The following SENP7 variants were observed in gnomAD, a reference collection of about 807,000 sequenced individuals.
The protein encoded by SENP7 is sentrin-specific protease 7.
SENP7 carries 64 observed loss-of-function variants against 141.2 expected under a neutral mutation model. The ratio of observed to expected loss-of-function variants is 0.45; its 90% CI spans 0.37 to 0.56. SENP7 has a LOEUF of 0.56. Ranked by LOEUF, SENP7 falls within the 20% of genes least tolerant of loss-of-function variation. The pLI is 0.00. For missense variants in SENP7, 1,025 were observed against 1,212.2 expected, an observed-to-expected ratio of 0.85 and a Z score of 2.29; for synonymous variants, 382 against 426.4, an observed-to-expected ratio of 0.90 and a Z score of 1.28.
chr3:101,327,171 T>C (rs1416716425), intron 23 of SENP7, among the ~76,000 whole-genome samples: 2 of 152,098 alleles, frequency 1.3e-5, no homozygotes, highest in Non-Finnish European at 2.9e-5. Context: ...TATTTCTTTC[T>C]CTTTAAAAAA....
chr3:101,391,606 A>G (rs2060818483), intron 6 of SENP7, among the ~76,000 whole-genome samples: 1 of 152,186 alleles, frequency 6.6e-6, no homozygotes, highest in South Asian at 2.1e-4. Context: ...AAGGTCTATC[A>G]ACAAAGAAAA....
At chr3:101,338,877 C>G (rs2059257421) in intron 16 of SENP7, among the ~76,000 whole-genome samples, 1 of 152,140 alleles carries the variant, frequency 6.6e-6, no homozygotes, top group African/African-American at 2.4e-5. Flanking sequence ...TTAAAGGCAT[C>G]AAACATTTTC....
chr3:101,475,057 C>G (rs988164122), intron 3 of SENP7, among the ~76,000 whole-genome samples: 1 of 152,016 alleles, frequency 6.6e-6, no homozygotes, highest in Non-Finnish European at 1.5e-5. Flanking sequence ...TAAATGGAAA[C>G]CAAAAGTATG....
intron 10 of SENP7, among the ~76,000 whole-genome samples, chr3:101,364,596 G>C (rs971955984): frequency 2.0e-5 from 3 of 152,130 alleles, no homozygotes; most frequent in Non-Finnish European, 4.4e-5. Flanking sequence ...AAATATTCAA[G>C]TAATAGACTA....
chr3:101,368,520 G>A (rs1308533534), intron 7 of SENP7, among the ~76,000 whole-genome samples: 5 of 136,558 alleles, frequency 3.7e-5, no homozygotes, highest in African/African-American at 5.5e-5. Context: ...GGTGGGAACT[G>A]AACAATGAGA....
At chr3:101,458,203 C>A (rs994490862) in intron 4 of SENP7, among the ~76,000 whole-genome samples, 14 of 152,114 alleles carry the variant, frequency 9.2e-5, no homozygotes, top group African/African-American at 3.1e-4. Context: ...TTCCTACACA[C>A]AATTTACCTG....
intron 7 of SENP7, among the ~76,000 whole-genome samples, chr3:101,370,737 T>C (rs2060156145): frequency 6.6e-6 from 1 of 152,214 alleles, no homozygotes; most frequent in Non-Finnish European, 1.5e-5. Flanking sequence ...TTTTTCATTA[T>C]ACACTGACAG....
intron 3 of SENP7, among the ~76,000 whole-genome samples, chr3:101,465,152 G>A (rs1408492001): frequency 6.6e-6 from 1 of 151,886 alleles, no homozygotes; most frequent in Non-Finnish European, 1.5e-5. Context: ...GGGGGTGGAG[G>A]GGGCATGAAG....
intron 4 of SENP7, among the ~76,000 whole-genome samples, chr3:101,419,775 T>C (rs1390678039): frequency 3.3e-5 from 5 of 152,170 alleles, no homozygotes; most frequent in Non-Finnish European, 5.9e-5. Flanking sequence ...TCCCAAGAAA[T>C]TGCATTAAGT....
intron 4 of SENP7, among the ~76,000 whole-genome samples, chr3:101,433,939 A>T (rs981603215): frequency 6.6e-6 from 1 of 150,904 alleles, no homozygotes; most frequent in Admixed American, 6.6e-5. Context: ...AAATGGATCT[A>T]ATACACATTT....
chr3:101,472,705 G>A (rs760397941), intron 3 of SENP7, among the ~76,000 whole-genome samples: 3 of 152,196 alleles, frequency 2.0e-5, no homozygotes, highest in Admixed American at 2.0e-4. Flanking sequence ...TAAAAGAATA[G>A]AGAAATAGAG....
At chr3:101,428,920 T>C (rs1225273549) in intron 4 of SENP7, among the ~76,000 whole-genome samples, 4 of 152,232 alleles carry the variant, frequency 2.6e-5, no homozygotes, top group Admixed American at 6.5e-5. Flanking sequence ...GCTAGCCAGT[T>C]TACACAACAC....
At chr3:101,424,001 G>A (rs547269157) in intron 4 of SENP7, among the ~76,000 whole-genome samples, 1 of 152,234 alleles carries the variant, frequency 6.6e-6, no homozygotes, top group East Asian at 1.9e-4. Context: ...GCCAGTGAGG[G>A]CCATCCCTCT....
At chr3:101,391,569 C>A (rs1282967397) in intron 6 of SENP7, among the ~76,000 whole-genome samples, 1 of 152,026 alleles carries the variant, frequency 6.6e-6, no homozygotes, top group African/African-American at 2.4e-5. Context: ...ATACCAGTAA[C>A]AAGCAACAAG....
chr3:101,454,034 G>A (rs557945233), intron 4 of SENP7, among the ~76,000 whole-genome samples: 9 of 152,194 alleles, frequency 5.9e-5, no homozygotes, highest in East Asian at 5.8e-4. Flanking sequence ...AAAGAAGAAC[G>A]GAAGGAGATA....
At chr3:101,464,959 A>C (rs1347543085) in intron 3 of SENP7, among the ~76,000 whole-genome samples, 3 of 152,252 alleles carry the variant, frequency 2.0e-5, no homozygotes, top group Non-Finnish European at 4.4e-5. Flanking sequence ...TATTTAAAAA[A>C]GAATGAAAAT....
intron 3 of SENP7, among the ~76,000 whole-genome samples, chr3:101,471,857 T>G (rs780548885): frequency 6.6e-5 from 10 of 152,154 alleles, no homozygotes; most frequent in Non-Finnish European, 1.3e-4. Flanking sequence ...GAACAGACAC[T>G]TCTCAAAAGA....
Position 101,501,124 on chromosome 3 carries a change from A to G in SENP7, c.41-5T>C. ...TTTTTCCTTCTGTGATGATTTCTAC[A>G]AAAACCAAAGACGTGGTAAAAATTA... On this transcript the variant is annotated splice_polypyrimidine_tract_variant and splice_region_variant and intron_variant, in intron 1 of 23. Transcript: ENST00000394095. 6.2e-7 allele frequency: 1 copy of G among 1,601,110 alleles called. No individual in the cohort carries two copies. The highest frequency in any genetic ancestry group is 8.5e-7 in the Non-Finnish European group (1 of 1,171,172).
intron 6 of SENP7, among the ~76,000 whole-genome samples, chr3:101,389,366 A>T (rs2060747574): frequency 6.6e-6 from 1 of 152,204 alleles, no homozygotes; most frequent in African/African-American, 2.4e-5. Flanking sequence ...CAAACTACCA[A>T]GTCAGAGACA....
Sources: allele counts gnomAD v4.1 joint callset (sites outside exome capture counted in the v4.1 genomes callset), GRCh38; gene constraint gnomAD v4.1.1; transcripts MANE v1.5; gene names NCBI Gene and HGNC (gene_info 2026-07-23, HGNC 2026-07-21).